The following RAP1GAP variants were observed in gnomAD, a reference collection of about 807,000 sequenced individuals.
The protein encoded by RAP1GAP is RAP1 GTPase activating protein, also known as rap1 GTPase-activating protein 1.
Under a neutral mutation model 87.2 loss-of-function variants are expected in RAP1GAP, and 35 were observed. The observed-to-expected ratio is 0.40, with a 90% CI of 0.31 to 0.53. The LOEUF is 0.53. Among genes scored for constraint, RAP1GAP ranks in the 20% least tolerant of loss-of-function variants. The pLI, the probability that RAP1GAP is intolerant of heterozygous loss-of-function variation, is 0.48. For missense variants in RAP1GAP, 734 were observed against 898.9 expected (o/e 0.82, Z 2.35); for synonymous variants, 375 against 363.9 (o/e 1.03, Z -0.35).
chr1:21,655,965 G>A (rs1404919841), intron 1 of RAP1GAP, among the ~76,000 whole-genome samples: 2 of 152,190 alleles, frequency 1.3e-5, no homozygotes, highest in Admixed American at 6.5e-5. Context: ...TCCCCTCCCC[G>A]AGTCATACTC....
At chr1:21,651,522 C>T (rs1432114636) in intron 1 of RAP1GAP, 2 of 666,906 alleles carry the variant, frequency 3.0e-6, no homozygotes. Flanking sequence ...ACAGCAATGT[C>T]CACCCTGCAC....
At chr1:21,612,378 C>T (rs1330553751) in intron 10 of RAP1GAP, among the ~76,000 whole-genome samples, 5 of 152,226 alleles carry the variant, frequency 3.3e-5, no homozygotes, top group East Asian at 1.9e-4. Flanking sequence ...TTAAGTTCAT[C>T]GCTCCTGAGT....
chr1:21,603,896 C>G lies in RAP1GAP; in HGVS notation c.1429-983G>C. 1 of 1,553,844 alleles carries G rather than the reference C, an allele frequency of 6.4e-7. No individual in the cohort carries two copies. Among genetic ancestry groups the G allele is most frequent in the South Asian group, 1.2e-5 (1 of 84,320 alleles). On this transcript the variant is annotated intron_variant, in intron 18 of 24. Transcript: ENST00000374765. This position sits in a 1 kb window ranked among gnomAD's most constrained non-coding sequence, Gnocchi z 6.0. ...GCGTCCGAATCTACTCGCACTTTTC[C>G]CAGGAATAAGCAATGACTGGCAAGC...
chr1:21,650,028 G>GGGGGCAGTGGGGCAGGGGGC, intron 1 of RAP1GAP, among the ~76,000 whole-genome samples: 1 of 152,068 alleles, frequency 6.6e-6, no homozygotes, highest in Non-Finnish European at 1.5e-5. Context: ...AGGCAGGACT[G>GGGGGCAGTGGGGCAGGGGGC]GGGGCAGTGG....
chr1:21,666,692 G>A (rs935883985), intron 1 of RAP1GAP, among the ~76,000 whole-genome samples: 1 of 152,170 alleles, frequency 6.6e-6, no homozygotes, highest in Admixed American at 6.5e-5. Context: ...CCCACACGCA[G>A]GAAGCTGATG....
chr1:21,663,498 G>T lies in RAP1GAP; in HGVS notation c.-149+5756C>A, dbSNP rs574851849. Among the ~76,000 whole-genome samples, 19 of 152,334 alleles carry T rather than the reference G, an allele frequency of 1.2e-4. No individual in the cohort carries two copies. The East Asian group carries it at 2.7e-3, about 22-fold the overall frequency. On this transcript the variant is annotated intron_variant, in intron 1 of 24. Transcript: ENST00000374765. ...CCTGACGCTGCCAACTTTTGAGCAA[G>T]AAGAATCAGGGCTGCCCTGGCAGTT...
At chr1:21,641,052 C>T (rs1382214391) in intron 2 of RAP1GAP, among the ~76,000 whole-genome samples, 1 of 150,630 alleles carries the variant, frequency 6.6e-6, no homozygotes, top group Non-Finnish European at 1.5e-5. Flanking sequence ...GGATCACAGG[C>T]ATGCACCACT....
rs1370590752 is a variant in RAP1GAP, at chr1:21,669,228, C to T, written c.-149+26G>A. 8.0e-7 allele frequency: 1 copy of T among 1,252,250 alleles called. No homozygotes were observed. The highest frequency in any genetic ancestry group is 2.5e-5 in the Admixed American group (1 of 39,478). The allele number at this position is 1,252,250 out of a possible 1,614,324, so 77.6% of individuals were successfully genotyped here. A position where few individuals can be genotyped will look rare whatever the true frequency, so the allele number is the denominator to read the frequency against. On this transcript the variant is annotated intron_variant, in intron 1 of 24. Transcript: ENST00000374765. The surrounding 1 kb of genome is among the most constrained non-coding windows in gnomAD (Gnocchi z 5.6). ...CTCTGTCCCCTTCCCCTTTCCAGGG[C>T]CGCAGCCCTGGCGGGGCGCACTCAC...
At chr1:21,625,522 G>C (rs939083878) in intron 3 of RAP1GAP, among the ~76,000 whole-genome samples, 2 of 152,162 alleles carry the variant, frequency 1.3e-5, no homozygotes, top group African/African-American at 2.4e-5. Flanking sequence ...CATCCAACCT[G>C]AGTGACTTCG....
At chr1:21,658,311 T>C (rs550417280) in intron 1 of RAP1GAP, among the ~76,000 whole-genome samples, 1 of 152,300 alleles carries the variant, frequency 6.6e-6, no homozygotes, top group East Asian at 1.9e-4. Context: ...CTCACATCTG[T>C]AATCCCAGCA....
Position 21,613,377 on chromosome 1 carries a change from G to T in RAP1GAP, c.475-148C>A. 1.2e-6 allele frequency: 1 copy of T among 801,384 alleles called. No individual in the cohort carries two copies. Among genetic ancestry groups the T allele is most frequent in the Non-Finnish European group, 2.1e-6 (1 of 474,384 alleles). The allele number at this position is 801,384 out of a possible 1,614,324, so 49.6% of individuals were successfully genotyped here. A position where few individuals can be genotyped will look rare whatever the true frequency, so the allele number is the denominator to read the frequency against. ...AGGACTCGGGGTTCACTGTTGCTCA[G>T]GGAACGGAGGTCCCCTGAGATCTGA... On this transcript the variant is annotated intron_variant, in intron 9 of 24. Transcript: ENST00000374765. This position sits in a 1 kb window ranked among gnomAD's most constrained non-coding sequence, Gnocchi z 4.7.
chr1:21,661,480 A>G (rs1376860201), intron 1 of RAP1GAP, among the ~76,000 whole-genome samples: 2 of 152,228 alleles, frequency 1.3e-5, no homozygotes, highest in Non-Finnish European at 2.9e-5. Flanking sequence ...CTATCATAAT[A>G]TACATAAGGC....
chr1:21,599,618 C>G lies in RAP1GAP; in HGVS notation c.1653-1G>C, dbSNP rs2066512678. 6.2e-7 allele frequency: 1 copy of G among 1,602,796 alleles called. No individual in the cohort carries two copies. The highest frequency in any genetic ancestry group is 8.5e-7 in the Non-Finnish European group (1 of 1,178,508). ...TGCTCTCTGCGCTGCGGTCTCCGCT[C>G]TGCCACAGACAGTGCCCCATTAGCC... On this transcript the variant is annotated splice_acceptor_variant, in intron 20 of 24. Coordinates refer to ENST00000374765, the MANE Select transcript of RAP1GAP (RefSeq NM_002885.4). LOFTEE classifies it high-confidence loss of function.
At chr1:21,605,240 A>G (rs1262076667) in intron 18 of RAP1GAP, among the ~76,000 whole-genome samples, 2 of 152,202 alleles carry the variant, frequency 1.3e-5, no homozygotes, top group African/African-American at 4.8e-5. Flanking sequence ...CAGTGATCAC[A>G]CAGGAGGTGC....
At chr1:21,642,281 C>G (rs1234782651) in intron 2 of RAP1GAP, among the ~76,000 whole-genome samples, 1 of 152,250 alleles carries the variant, frequency 6.6e-6, no homozygotes, top group Non-Finnish European at 1.5e-5. Flanking sequence ...GCAGGCGCAG[C>G]AGGTAACCAT....
chr1:21,603,776 C>G lies in RAP1GAP; in HGVS notation c.1429-863G>C. 2.6e-6 allele frequency: 4 copies of G among 1,530,680 alleles called. No homozygotes were observed. Among genetic ancestry groups the G allele is most frequent in the Non-Finnish European group, 3.6e-6 (4 of 1,105,444 alleles). The allele number at this position is 1,530,680 out of a possible 1,614,324, so 94.8% of individuals were successfully genotyped here. The stretch of plus-strand genomic sequence containing the variant: ...CCCAATATGGCCTCCGTCCTGAGAG[C>G]GAGCAGAGAACAGCGCGTGCAGGCA... On this transcript the variant is annotated intron_variant, in intron 18 of 24. Coordinates refer to ENST00000374765, the MANE Select transcript of RAP1GAP (RefSeq NM_002885.4). The surrounding 1 kb of genome is among the most constrained non-coding windows in gnomAD (Gnocchi z 6.0).
chr1:21,650,762 C>T (rs3767120), intron 1 of RAP1GAP, among the ~76,000 whole-genome samples: 94,476 of 152,112 alleles, frequency 0.62, 29,401 homozygotes, highest in Middle Eastern at 0.75. Context: ...GGGCCTAGCC[C>T]AGGCTCCTCT....
At chr1:21,602,303 G>A (rs2148731728) in intron 19 of RAP1GAP, among the ~76,000 whole-genome samples, 1 of 152,338 alleles carries the variant, frequency 6.6e-6, no homozygotes, top group South Asian at 2.1e-4. Flanking sequence ...GAGGAGGTCA[G>A]TGACTCGCCC....
intron 13 of RAP1GAP, among the ~76,000 whole-genome samples, chr1:21,610,796 G>A (rs2077746017): frequency 6.6e-6 from 1 of 152,174 alleles, no homozygotes; most frequent in African/African-American, 2.4e-5. Flanking sequence ...CATTCATGTT[G>A]CTAAAATGAA....
Sources: allele counts gnomAD v4.1 joint callset (sites outside exome capture counted in the v4.1 genomes callset), GRCh38; gene constraint gnomAD v4.1.1; non-coding constraint Gnocchi (gnomAD v3.1); transcripts MANE v1.5; gene names NCBI Gene and HGNC (gene_info 2026-07-23, HGNC 2026-07-21).